The following GALNT6 variants were observed in gnomAD, a reference collection of about 807,000 sequenced individuals.
GALNT6 encodes polypeptide N-acetylgalactosaminyltransferase 6.
In GALNT6, 51 loss-of-function variants were observed where a neutral mutation model predicts 65.9. The ratio of observed to expected loss-of-function variants is 0.77; its 90% confidence interval spans 0.62 to 0.98. The LOEUF is 0.98. Among genes scored for constraint, GALNT6 ranks in the 50% least tolerant of loss-of-function variants. The pLI is 0.00. For synonymous variants in GALNT6, 323 were observed against 315.1 expected (o/e 1.02, Z -0.26); for missense variants, 708 against 803.3 (o/e 0.88, Z 1.43).
chr12:51,367,760 C>T (rs1013412424), intron 4 of GALNT6, among the ~76,000 whole-genome samples: 1 of 152,204 alleles, frequency 6.6e-6, no homozygotes, highest in African/African-American at 2.4e-5. Context: ...ACACAATAAC[C>T]CAGCACTGAG....
At chr12:51,378,678 G>A (rs959950898) in intron 3 of GALNT6, among the ~76,000 whole-genome samples, 1 of 152,202 alleles carries the variant, frequency 6.6e-6, no homozygotes, top group Non-Finnish European at 1.5e-5. Context: ...TCTTTAACTT[G>A]AGGATCATGG....
chr12:51,365,510 T>A lies in GALNT6; in HGVS notation c.734A>T (p.Glu245Val), dbSNP rs780770732. Residue 245 changes from glutamate (E) to valine (V), a missense_variant, in exon 5 of 12, where the codon GAG (glutamate) becomes GTG (valine). By Grantham distance (121) the Glu-to-Val change is moderately radical. Transcript: ENST00000356317. ...CCGGGCGGTGATCAGCCCCTTCCGC[T>A]CCTCCTGCCGCACCACCCTCACCAC... Reference protein sequence around the residue: ...LQVVRVVRQEERKGLITARLL... With the variant: ...LQVVRVVRQEVRKGLITARLL... The A allele has an allele frequency of 6.8e-6, 11 of 1,612,544 alleles. No individual in the cohort carries two copies. In the South Asian group the frequency reaches 1.2e-4, roughly 18 times the overall value.
chr12:51,382,748 GC>G (rs1947714517), intron 2 of GALNT6, among the ~76,000 whole-genome samples: 1 of 152,232 alleles, frequency 6.6e-6, no homozygotes, highest in African/African-American at 2.4e-5. Context: ...AAAGGGACCT[GC>G]TTGGCAGCTG....
chr12:51,360,117 G>C (rs1946873929), intron 7 of GALNT6: 1 of 152,238 alleles, frequency 6.6e-6, no homozygotes, highest in South Asian at 2.1e-4. Context: ...ATGGAGATTT[G>C]TGTAGGTTTC....
Position 51,354,348 on chromosome 12 carries a change from G to T in GALNT6, c.*31C>A. 8.4e-7 allele frequency: 1 copy of T among 1,191,928 alleles called. No homozygotes were observed. The highest frequency in any genetic ancestry group is 1.2e-6 in the Non-Finnish European group (1 of 845,108). 73.8% of individuals were successfully genotyped at this position (1,191,928 alleles called of 1,614,324 possible). ...AGCAATCCTGTTTCCTGAGGAGCTTGTGGGGGCTCTCTCTGGGGATGATCT... is the reference window on the plus strand; with the variant it reads ...AGCAATCCTGTTTCCTGAGGAGCTTTTGGGGGCTCTCTCTGGGGATGATCT... On this transcript the variant is annotated 3_prime_UTR_variant, in exon 12 of 12. Coordinates refer to ENST00000356317, the MANE Select transcript of GALNT6 (RefSeq NM_007210.4).
At chr12:51,357,874 G>A (rs771636450) in intron 9 of GALNT6, among the ~76,000 whole-genome samples, 26 of 152,190 alleles carry the variant, frequency 1.7e-4, no homozygotes, top group African/African-American at 4.6e-4. Flanking sequence ...GGGCCCTAGC[G>A]TTTTACCGTG....
At chr12:51,390,971 T>A (rs1948064390) in intron 1 of GALNT6, 34 bp from the exon 2 acceptor site, 1 of 152,274 alleles carries the variant, frequency 6.6e-6, no homozygotes, top group Non-Finnish European at 1.5e-5. Flanking sequence ...ACAGTCACAG[T>A]CATGAACACC....
intron 9 of GALNT6, 129 bp downstream of exon 9, chr12:51,358,001 C>T: frequency 1.1e-6 from 1 of 907,978 alleles, no homozygotes; most frequent in Non-Finnish European, 1.7e-6. Context: ...CTCAGTCCTC[C>T]TCCTGGATAA....
intron 5 of GALNT6, 141 bp from the exon 6 acceptor site, chr12:51,364,496 G>A (rs1399510529): frequency 4.8e-6 from 3 of 630,554 alleles, no homozygotes; most frequent in Admixed American, 2.9e-5. Flanking sequence ...CAGCTACAGG[G>A]AGCACACAGA....
rs1450340129 is a variant in GALNT6 at position 51,351,880 on chromosome 12, C to T, written c.*2499G>A. 6.6e-6 allele frequency: 1 copy of T among 152,168 alleles called. No individual in the cohort carries two copies. Among genetic ancestry groups the T allele is most frequent in the Non-Finnish European group, 1.5e-5 (1 of 68,040 alleles). 9.4% of individuals were successfully genotyped at this position (152,168 alleles called of 1,614,324 possible). A position where few individuals can be genotyped will look rare whatever the true frequency, so the allele number is the denominator to read the frequency against. On this transcript the variant is annotated 3_prime_UTR_variant, in exon 12 of 12. Transcript: ENST00000356317. ...AGAACACAACGCGAGTTTCCTTGAC[C>T]AATGCCAGAAAACCTTTATTTCCAC...
chr12:51,365,419 C>T lies in GALNT6; in HGVS notation c.814+11G>A. On this transcript the variant is annotated intron_variant, in intron 5 of 11. Transcript: ENST00000356317. ...TCCAGGTTACACCCAGGCCGGTGCC[C>T]TGGTACTCACAGTGGGCATCCAGGA... The T allele has an allele frequency of 6.2e-7, 1 of 1,606,424 alleles. No individual in the cohort carries two copies. Among genetic ancestry groups the T allele is most frequent in the Non-Finnish European group, 8.5e-7 (1 of 1,176,050 alleles).
chr12:51,370,152 C>T (rs1004071036), intron 4 of GALNT6, among the ~76,000 whole-genome samples: 2 of 152,330 alleles, frequency 1.3e-5, no homozygotes, highest in Non-Finnish European at 2.9e-5. Context: ...GCATTAGTCA[C>T]GATAGCCAAA....
In GALNT6 at chr12:51,387,485, C is replaced by G. The variant is rs1947880111; in HGVS notation, c.-104+3365G>C. Among the ~76,000 whole-genome samples, 1 of 152,164 alleles carries G rather than the reference C, an allele frequency of 6.6e-6. No homozygotes were observed. Among genetic ancestry groups the G allele is most frequent in the African/African-American group, 2.4e-5 (1 of 41,426 alleles). ...ACCCAACTTTGCTCACCACTGTATA[C>G]CTAGAGCAGCGCTTGGCATGTGGTA... On this transcript the variant is annotated intron_variant, in intron 2 of 11. Coordinates refer to ENST00000356317, the MANE Select transcript of GALNT6 (RefSeq NM_007210.4). This position sits in a 1 kb window ranked among gnomAD's most constrained non-coding sequence, Gnocchi z 4.2.
chr12:51,356,101 T>C lies in GALNT6; in HGVS notation c.1603-143A>G. On this transcript the variant is annotated intron_variant, in intron 10 of 11. Transcript: ENST00000356317. ...GCCAAGACTTTACTCATTTATGTGC[T>C]GCCTTCAGGATTGTTACCATATCAG... 3 of 651,332 alleles carry C rather than the reference T, an allele frequency of 4.6e-6. No homozygotes were observed. The South Asian group carries it at 5.6e-5, about 12-fold the overall frequency. The allele number at this position is 651,332 out of a possible 1,614,324, so 40.3% of individuals were successfully genotyped here. A position where few individuals can be genotyped will look rare whatever the true frequency, so the allele number is the denominator to read the frequency against.
In GALNT6 at chr12:51,359,180, CT is replaced by C; in HGVS notation, c.1319del (p.Lys440ArgfsTer29). On this transcript the variant is annotated frameshift_variant, in exon 8 of 12. Transcript: ENST00000356317. LOFTEE classifies it high-confidence loss of function. The stretch of plus-strand genomic sequence containing the variant: ...GCAGATTTCTCCTATAGAAAATCTT[CT>C]TGTAGCTGTCCATCCAGACCTCTGC... ...RLAEVWMDSY[K>X]KIFYRRNLQA... 1 of 1,614,180 alleles carries C rather than the reference CT, an allele frequency of 6.2e-7. No homozygotes were observed. Among genetic ancestry groups the C allele is most frequent in the Non-Finnish European group, 8.5e-7 (1 of 1,180,018 alleles).
chr12:51,368,738 CAGGTG>C (rs59206398), intron 4 of GALNT6, among the ~76,000 whole-genome samples: 97,873 of 151,538 alleles, frequency 0.65, 31,891 homozygotes, highest in Non-Finnish European at 0.67. Context: ...ACTGGACAGA[CAGGTG>C]AGGTGATTAT....
Position 51,355,950 on chromosome 12 carries a change from C to A in GALNT6, c.1611G>T (p.Glu537Asp). ...CHGLGGNQYF[E>D]YTTQRDLRHN... ...GGCGAAGGTCCCTCTGAGTTGTGTA[C>A]TCAAAGTACTGGAAATCAAGACAAG... Residue 537 changes from glutamate to aspartate, a missense_variant, in exon 11 of 12, where the codon GAG (glutamate) becomes GAT (aspartate). Transcript: ENST00000356317. The A allele has an allele frequency of 6.2e-7, 1 of 1,612,770 alleles. No individual in the cohort carries two copies. The highest frequency in any genetic ancestry group is 8.5e-7 in the Non-Finnish European group (1 of 1,179,182).
At chr12:51,372,394 A>T (rs1431617570) in intron 4 of GALNT6, among the ~76,000 whole-genome samples, 2 of 152,114 alleles carry the variant, frequency 1.3e-5, no homozygotes, top group Non-Finnish European at 2.9e-5. Flanking sequence ...TTTTTTGTAA[A>T]GACAGAGTCT....
In GALNT6 at chr12:51,354,144, A is replaced by G. The variant is rs1946679842; in HGVS notation, c.*235T>C. ...CCCTACTTTGGGAGCCTCTATTTCT[A>G]GAACAGGAAAACGCTAGGCTAAATA... On this transcript the variant is annotated 3_prime_UTR_variant, in exon 12 of 12. Transcript: ENST00000356317. 1 of 417,378 alleles carries G rather than the reference A, an allele frequency of 2.4e-6. No individual in the cohort carries two copies. The highest frequency in any genetic ancestry group is 4.2e-6 in the Non-Finnish European group (1 of 239,108). 25.9% of individuals were successfully genotyped at this position (417,378 alleles called of 1,614,324 possible).
Sources: allele counts gnomAD v4.1 joint callset (sites outside exome capture counted in the v4.1 genomes callset), GRCh38; gene constraint gnomAD v4.1.1; non-coding constraint Gnocchi (gnomAD v3.1); transcripts MANE v1.5; gene names NCBI Gene and HGNC (gene_info 2026-07-23, HGNC 2026-07-21).